Variants in TFDP2 observed in about 807,000 individuals in gnomAD.
The protein encoded by TFDP2 is transcription factor Dp-2 (E2F dimerization partner 2).
Under a neutral mutation model 59.3 loss-of-function variants are expected in TFDP2, and 17 were observed. That is an observed-to-expected ratio of 0.29 (90% CI 0.20 to 0.43). The LOEUF (loss-of-function observed/expected upper bound fraction) is 0.43, where lower values mean the gene tolerates loss of function less well. TFDP2 is among the 20% of genes least tolerant of loss of function. The pLI is 1.00. For missense variants in TFDP2, 391 were observed against 528.8 expected (o/e 0.74, Z 2.56); for synonymous variants, 180 against 194.7 (o/e 0.92, Z 0.63).
At chr3:142,025,651 T>C (rs1946018647) in intron 3 of TFDP2, among the ~76,000 whole-genome samples, 1 of 152,232 alleles carries the variant, frequency 6.6e-6, no homozygotes, top group East Asian at 1.9e-4. Context: ...TAGGCAAATC[T>C]ATAGTTTGTA....
chr3:142,052,767 CAAGT>C (rs1016442757), intron 3 of TFDP2, among the ~76,000 whole-genome samples: 1 of 152,008 alleles, frequency 6.6e-6, no homozygotes, highest in Non-Finnish European at 1.5e-5. Context: ...TTCCGCCTCC[CAAGT>C]AGCTGGAACT....
intron 6 of TFDP2, among the ~76,000 whole-genome samples, chr3:141,990,677 A>G (rs1172086939): frequency 6.6e-6 from 1 of 152,164 alleles, no homozygotes; most frequent in Non-Finnish European, 1.5e-5. Flanking sequence ...ATTTGGAAAG[A>G]GAGGGTCTTG....
Position 141,962,355 on chromosome 3 carries a change from TTTTTTTC to T in TFDP2, c.884+1450_884+1456del, listed in dbSNP as rs534296518. On this transcript the variant is annotated intron_variant, in intron 10 of 12. Coordinates refer to ENST00000489671, the MANE Select transcript of TFDP2 (RefSeq NM_001178139.2). ...TCAAATAGTTTTGAAATTCCTGCTG[TTTTTTTC>T]TTTTTTCTTTTTTCGAGACAGAGTC... Among the ~76,000 whole-genome samples, 706 of 152,196 alleles carry T rather than the reference TTTTTTTC, an allele frequency of 4.6e-3. 5 individuals carry two copies. The highest frequency in any genetic ancestry group is 0.016 in the African/African-American group (655 of 41,524).
chr3:142,112,643 A>G (rs910773749), intron 1 of TFDP2, among the ~76,000 whole-genome samples: 39 of 152,202 alleles, frequency 2.6e-4, no homozygotes, highest in African/African-American at 9.2e-4. Flanking sequence ...ATCTCACCAA[A>G]TAAATTCACT....
At chr3:142,010,000 A>G (rs1944530217) in intron 3 of TFDP2, among the ~76,000 whole-genome samples, 1 of 152,168 alleles carries the variant, frequency 6.6e-6, no homozygotes, top group South Asian at 2.1e-4. Flanking sequence ...TAATCCTGGA[A>G]TGAGAAAGGC....
At position 142,093,140 on chromosome 3, in the gene TFDP2, G is replaced by A. The variant is rs371236985; in HGVS notation, c.16-13C>T. 84 of 1,519,886 alleles carry A rather than the reference G, an allele frequency of 5.5e-5. No homozygotes were observed. The highest frequency in any genetic ancestry group is 4.7e-4 in the Admixed American group (23 of 48,828). The allele number at this position is 1,519,886 out of a possible 1,614,324, so 94.1% of individuals were successfully genotyped here. A position where few individuals can be genotyped will look rare whatever the true frequency, so the allele number is the denominator to read the frequency against. On this transcript the variant is annotated splice_polypyrimidine_tract_variant and intron_variant, in intron 2 of 12. Transcript: ENST00000489671. ...AAGTCAAACCAACCTGAATAAAACC[G>A]TTTAAAAAGTTAAAAATAGAATATT... is the stretch of plus-strand genomic sequence containing the variant.
In TFDP2 at chr3:141,968,521, T is replaced by TATATAGATATATATAACATATATATCTC. The variant is rs2107958612; in HGVS notation, c.732+1551_732+1552insGAGATATATATGTTATATATATCTATAT. On this transcript the variant is annotated intron_variant, in intron 9 of 12. Coordinates refer to ENST00000489671, the MANE Select transcript of TFDP2 (RefSeq NM_001178139.2). ...AGATATATATAACATATATATCTCA[T>TATATAGATATATATAACATATATATCTC]ATATATAGATATATATAACATATAT... Among the ~76,000 whole-genome samples, 2 of 102,328 alleles carry TATATAGATATATATAACATATATATCTC rather than the reference T, an allele frequency of 2.0e-5. 1 individual carries two copies. Among genetic ancestry groups the TATATAGATATATATAACATATATATCTC allele is most frequent in the African/African-American group, 1.0e-4 (2 of 19,056 alleles). 67.1% of individuals were successfully genotyped at this position (102,328 alleles called of 152,430 possible).
chr3:141,956,739 C>T (rs925051772), intron 11 of TFDP2, among the ~76,000 whole-genome samples: 16 of 151,686 alleles, frequency 1.1e-4, no homozygotes, highest in Admixed American at 1.1e-3. Flanking sequence ...TGGCAAAACC[C>T]CATCTCTACC....
At chr3:142,043,677 G>A in intron 3 of TFDP2, 1 of 1,036,764 alleles carries the variant, frequency 9.6e-7, no homozygotes, top group South Asian at 1.3e-5. Context: ...CCTCCTTCTT[G>A]GCCTGCAGGC....
chr3:142,027,483 TCTCC>T (rs929137344), intron 3 of TFDP2, among the ~76,000 whole-genome samples: 3 of 150,412 alleles, frequency 2.0e-5, no homozygotes, highest in African/African-American at 7.5e-5. Context: ...CCTGACCTCC[TCTCC>T]CTCTCCCTCT....
rs1935817051 is a variant in TFDP2 at position 141,950,401 on chromosome 3, A to G, written c.*2112T>C. 1.3e-5 allele frequency: 2 copies of G among 152,282 alleles called. No individual in the cohort carries two copies. The highest frequency in any genetic ancestry group is 2.4e-5 in the African/African-American group (1 of 41,440). The allele number at this position is 152,282 out of a possible 1,614,324, so 9.4% of individuals were successfully genotyped here. A position where few individuals can be genotyped will look rare whatever the true frequency, so the allele number is the denominator to read the frequency against. On this transcript the variant is annotated 3_prime_UTR_variant, in exon 13 of 13. Transcript: ENST00000489671. ...GGCCAATGATGGGGCACCAATAAGG[A>G]TAAGAGTCTTTGGCGGCTTTCTTTT...
chr3:142,130,496 T>G (rs1160532966), intron 1 of TFDP2, among the ~76,000 whole-genome samples: 2 of 152,038 alleles, frequency 1.3e-5, no homozygotes, highest in Non-Finnish European at 2.9e-5. Flanking sequence ...TATTTCTTTT[T>G]TTTTTTTTAT....
chr3:141,991,956 C>T (rs1258114781), intron 6 of TFDP2, among the ~76,000 whole-genome samples: 3 of 150,640 alleles, frequency 2.0e-5, no homozygotes, highest in Non-Finnish European at 4.4e-5. Flanking sequence ...ACAGGAGAAT[C>T]GCTTGAACCC....
intron 3 of TFDP2, among the ~76,000 whole-genome samples, chr3:142,014,308 A>AT (rs369934755): frequency 4.0e-5 from 6 of 151,378 alleles, no homozygotes; most frequent in Middle Eastern, 3.4e-3. Flanking sequence ...ATGCCCAGGT[A>AT]TTTTTTTTTA....
chr3:142,106,214 A>C (rs2061468298), intron 1 of TFDP2, among the ~76,000 whole-genome samples: 1 of 152,216 alleles, frequency 6.6e-6, no homozygotes, highest in Non-Finnish European at 1.5e-5. Context: ...TGTGCATGGC[A>C]CTATCTCAGG....
Position 141,990,022 on chromosome 3 carries a change from T to G in TFDP2, c.356+3516A>C, listed in dbSNP as rs1019219219. ...AATTCTTGCGCCTCAGCCTCCCGAATAGCTGGGATTACAGGCATGTGCCAC... is the reference window on the plus strand; with the variant it reads ...AATTCTTGCGCCTCAGCCTCCCGAAGAGCTGGGATTACAGGCATGTGCCAC... On this transcript the variant is annotated intron_variant, in intron 6 of 12. Transcript: ENST00000489671. Among the ~76,000 whole-genome samples the G allele has an allele frequency of 3.3e-5, 5 of 151,910 alleles. 1 individual carries two copies. The highest frequency in any genetic ancestry group is 3.3e-4 in the Admixed American group (5 of 15,236).
rs1935665582 is a variant in TFDP2, at chr3:141,949,414, A to AG, written c.*3098dup. On this transcript the variant is annotated 3_prime_UTR_variant, in exon 13 of 13. Coordinates refer to ENST00000489671, the MANE Select transcript of TFDP2 (RefSeq NM_001178139.2). Reference sequence around the variant, plus strand: ...TCCTCCAAGGCCCACCTTGATCATAAGGCACAAGGTATACAAACACCACAA... The same window carrying AG: ...TCCTCCAAGGCCCACCTTGATCATAAGGGCACAAGGTATACAAACACCACAA... 1 of 152,216 alleles carries AG rather than the reference A, an allele frequency of 6.6e-6. No homozygotes were observed. The highest frequency in any genetic ancestry group is 2.1e-4 in the South Asian group (1 of 4,832). The allele number at this position is 152,216 out of a possible 1,614,324, so 9.4% of individuals were successfully genotyped here.
At chr3:142,130,588 C>A (rs1253294688) in intron 1 of TFDP2, among the ~76,000 whole-genome samples, 3 of 151,766 alleles carry the variant, frequency 2.0e-5, no homozygotes, top group African/African-American at 4.8e-5. Context: ...GTGCTGTACC[C>A]ATTAACTCAT....
chr3:142,001,788 C>A (rs1386995108), intron 4 of TFDP2, among the ~76,000 whole-genome samples: 3 of 152,178 alleles, frequency 2.0e-5, no homozygotes. Context: ...AATTTCACGG[C>A]TCCTAAGTTC....
Sources: allele counts gnomAD v4.1 joint callset (sites outside exome capture counted in the v4.1 genomes callset), GRCh38; gene constraint gnomAD v4.1.1; transcripts MANE v1.5; gene names NCBI Gene and HGNC (gene_info 2026-07-23, HGNC 2026-07-21).